The following KIAA1217 variants were observed in gnomAD, a reference collection of about 807,000 sequenced individuals.
The protein encoded by KIAA1217 is KIAA1217, also known as sickle tail protein homolog.
In KIAA1217, 88 loss-of-function variants were observed where a neutral mutation model predicts 163.9. The ratio of observed to expected loss-of-function variants is 0.54; its 90% CI spans 0.45 to 0.64. The LOEUF (loss-of-function observed/expected upper bound fraction) is 0.64. Ranked by LOEUF, KIAA1217 falls within the 30% of genes least tolerant of loss-of-function variation. The pLI is 0.00. For synonymous variants in KIAA1217, 903 were observed against 923.1 expected (o/e 0.98, Z 0.39); for missense variants, 2,372 against 2,475.0 (o/e 0.96, Z 0.88).
chr10:24,326,561 G>C (rs991419866), intron 2 of KIAA1217, among the ~76,000 whole-genome samples: 5 of 152,042 alleles, frequency 3.3e-5, no homozygotes, highest in Admixed American at 3.3e-4. Context: ...GGTGTGAAAG[G>C]CATGGTTATC....
At chr10:24,378,073 T>C (rs2134711857) in intron 2 of KIAA1217, among the ~76,000 whole-genome samples, 1 of 152,162 alleles carries the variant, frequency 6.6e-6, no homozygotes, top group Admixed American at 6.5e-5. Context: ...ATTCGCTTTA[T>C]TTTTTTTCTC....
intron 2 of KIAA1217, among the ~76,000 whole-genome samples, chr10:24,342,892 G>T (rs1026526631): frequency 6.6e-6 from 1 of 151,842 alleles, no homozygotes; most frequent in Non-Finnish European, 1.5e-5. Context: ...TCCTAACCTC[G>T]GGGATCCGCC....
intron 2 of KIAA1217, among the ~76,000 whole-genome samples, chr10:24,377,854 T>C (rs61848112): frequency 0.13 from 19,351 of 152,162 alleles, 1,379 homozygotes; most frequent in South Asian, 0.31. Context: ...AGAATTGGTG[T>C]TGGTCAGCGG....
At chr10:23,732,028 A>T (rs1419156020) in intron 1 of KIAA1217, among the ~76,000 whole-genome samples, 2 of 152,056 alleles carry the variant, frequency 1.3e-5, no homozygotes, top group African/African-American at 4.8e-5. Context: ...ATATATGTTT[A>T]TTCATAGTAT....
chr10:24,279,921 AT>A (rs1564395867), intron 2 of KIAA1217, among the ~76,000 whole-genome samples: 2 of 152,150 alleles, frequency 1.3e-5, no homozygotes. Flanking sequence ...TTAGTGTTTG[AT>A]TTTCTTAAAA....
At chr10:24,323,064 T>G (rs2044379055) in intron 2 of KIAA1217, among the ~76,000 whole-genome samples, 1 of 152,028 alleles carries the variant, frequency 6.6e-6, no homozygotes, top group African/African-American at 2.4e-5. Flanking sequence ...ATCTTCCCAC[T>G]TCAGCCTCCT....
At chr10:23,946,912 G>A (rs1589126928) in intron 1 of KIAA1217, among the ~76,000 whole-genome samples, 2 of 152,130 alleles carry the variant, frequency 1.3e-5, no homozygotes, top group Non-Finnish European at 2.9e-5. Flanking sequence ...TTCGTGGGAG[G>A]GACCCAGTGG....
chr10:24,314,473 G>A (rs907121888), intron 2 of KIAA1217, among the ~76,000 whole-genome samples: 2 of 152,166 alleles, frequency 1.3e-5, no homozygotes, highest in African/African-American at 4.8e-5. Flanking sequence ...TGCATGTATG[G>A]TGTCTGTGTG....
chr10:23,724,235 A>G (rs1391659687), intron 1 of KIAA1217, among the ~76,000 whole-genome samples: 1 of 152,104 alleles, frequency 6.6e-6, no homozygotes, highest in Non-Finnish European at 1.5e-5. Context: ...ACAGATCCAA[A>G]CTATATCACC....
chr10:23,918,363 C>G (rs905082987), intron 1 of KIAA1217, among the ~76,000 whole-genome samples: 1 of 152,046 alleles, frequency 6.6e-6, no homozygotes, highest in African/African-American at 2.4e-5. Context: ...TGGCTCATCT[C>G]CATGTGAAAA....
intron 2 of KIAA1217, among the ~76,000 whole-genome samples, chr10:24,368,255 G>C (rs2051065746): frequency 6.6e-6 from 1 of 152,060 alleles, no homozygotes; most frequent in Non-Finnish European, 1.5e-5. Flanking sequence ...AATGCAGAAA[G>C]GGAAAAGAAG....
chr10:24,249,978 G>A (rs187628733), intron 2 of KIAA1217, among the ~76,000 whole-genome samples: 66 of 152,256 alleles, frequency 4.3e-4, no homozygotes, highest in Middle Eastern at 3.4e-3. Flanking sequence ...TCTTGCCTCC[G>A]TGGCCTGAAG....
chr10:23,829,099 C>T (rs938821219), intron 1 of KIAA1217, among the ~76,000 whole-genome samples: 7 of 152,162 alleles, frequency 4.6e-5, no homozygotes, highest in African/African-American at 1.2e-4. Context: ...GGAAATATAA[C>T]ACTATTCAAT....
intron 3 of KIAA1217, among the ~76,000 whole-genome samples, chr10:24,427,347 G>A (rs2059258893): frequency 6.6e-6 from 1 of 152,164 alleles, no homozygotes; most frequent in Non-Finnish European, 1.5e-5. Flanking sequence ...CAGCCTAAAA[G>A]TGTGAGGATA....
At chr10:24,025,425 A>G (rs138829243) in intron 2 of KIAA1217, among the ~76,000 whole-genome samples, 1 of 151,732 alleles carries the variant, frequency 6.6e-6, no homozygotes, top group Non-Finnish European at 1.5e-5. Flanking sequence ...GCTGTATAAG[A>G]TTTGAAATTA....
chr10:24,130,983 T>C (rs1297386503), intron 2 of KIAA1217, among the ~76,000 whole-genome samples: 1 of 152,216 alleles, frequency 6.6e-6, no homozygotes, highest in Non-Finnish European at 1.5e-5. Flanking sequence ...GGTGAGATAG[T>C]GATTACAGTT....
intron 2 of KIAA1217, among the ~76,000 whole-genome samples, chr10:24,286,479 TACACAC>T (rs1181549790): frequency 6.6e-6 from 1 of 150,968 alleles, no homozygotes; most frequent in Non-Finnish European, 1.5e-5. Context: ...CACATACACA[TACACAC>T]ACACATACAC....
intron 2 of KIAA1217, among the ~76,000 whole-genome samples, chr10:24,371,557 A>G (rs1305090326): frequency 2.0e-5 from 3 of 152,166 alleles, no homozygotes; most frequent in South Asian, 2.1e-4. Flanking sequence ...TCTTAACTGT[A>G]TCGTTTTGTA....
intron 1 of KIAA1217, among the ~76,000 whole-genome samples, chr10:23,697,804 G>C (rs1836144826): frequency 6.6e-6 from 1 of 151,894 alleles, no homozygotes; most frequent in African/African-American, 2.4e-5. Context: ...TTGAGCCCAG[G>C]AGGTCAAGGC....
Sources: allele counts gnomAD v4.1 joint callset (sites outside exome capture counted in the v4.1 genomes callset), GRCh38; gene constraint gnomAD v4.1.1; transcripts MANE v1.5; gene names NCBI Gene and HGNC (gene_info 2026-07-23, HGNC 2026-07-21).